The following VWA3B variants were observed in gnomAD, a reference collection of about 807,000 sequenced individuals.
The protein encoded by VWA3B is von Willebrand factor A domain containing 3B, also known as von Willebrand factor A domain-containing protein 3B.
VWA3B carries 138 observed loss-of-function variants against 158.3 expected under a neutral mutation model. That is an observed-to-expected ratio of 0.87 (90% CI 0.76 to 1.00). VWA3B has a LOEUF of 1.00. Ranked by LOEUF, VWA3B falls within the 50% of genes least tolerant of loss-of-function variation. The pLI, the probability that VWA3B is intolerant of heterozygous loss-of-function variation, is 0.00. For missense variants in VWA3B, 1,555 were observed against 1,565.1 expected (o/e 0.99, Z 0.11); for synonymous variants, 596 against 587.3 (o/e 1.01, Z -0.21).
At chr2:98,236,302 G>C in intron 17 of VWA3B, 88 bp from the exon 18 acceptor site, 2 of 1,397,994 alleles carry the variant, frequency 1.4e-6, no homozygotes, top group Non-Finnish European at 2.0e-6. Context: ...CTCAGTCACA[G>C]CTGGACTGAG....
At chr2:98,218,783 T>C (rs566864154) in intron 14 of VWA3B, among the ~76,000 whole-genome samples, 1 of 152,350 alleles carries the variant, frequency 6.6e-6, no homozygotes, top group East Asian at 1.9e-4. Context: ...CAGTGCTTCA[T>C]GTGAGTGAAC....
intron 23 of VWA3B, among the ~76,000 whole-genome samples, chr2:98,294,228 A>AG (rs1217541310): frequency 1.3e-5 from 2 of 151,238 alleles, no homozygotes; most frequent in African/African-American, 4.9e-5. Flanking sequence ...AAAAAAAAAA[A>AG]AAGAAGGCCA....
intron 26 of VWA3B, among the ~76,000 whole-genome samples, chr2:98,308,027 A>T (rs1690635348): frequency 1.3e-5 from 2 of 152,170 alleles, no homozygotes; most frequent in Non-Finnish European, 2.9e-5. Flanking sequence ...AGGGCTCAAA[A>T]CTAATTGAAC....
intron 13 of VWA3B, among the ~76,000 whole-genome samples, chr2:98,215,473 A>G (rs1683903679): frequency 6.6e-6 from 1 of 151,580 alleles, no homozygotes; most frequent in African/African-American, 2.4e-5. Flanking sequence ...AACAAAAAAG[A>G]TGGAGTCAGA....
intron 7 of VWA3B, among the ~76,000 whole-genome samples, chr2:98,143,752 C>CTTTTTTTTTT (rs534351736): frequency 9.2e-5 from 12 of 130,918 alleles, no homozygotes; most frequent in Admixed American, 1.6e-4. Flanking sequence ...CTTTTCTTTT[C>CTTTTTTTTTT]TTTTTTTTTT....
At chr2:98,154,321 G>A (rs1386703515) in intron 7 of VWA3B, among the ~76,000 whole-genome samples, 1 of 152,198 alleles carries the variant, frequency 6.6e-6, no homozygotes, top group East Asian at 1.9e-4. Context: ...CAGATTCTCA[G>A]AATGTCATTT....
At chr2:98,258,043 A>G (rs1254632909) in intron 21 of VWA3B, among the ~76,000 whole-genome samples, 1 of 151,910 alleles carries the variant, frequency 6.6e-6, no homozygotes, top group Non-Finnish European at 1.5e-5. Context: ...ATCTGGTGTG[A>G]AGTAGGGTTC....
At chr2:98,278,809 G>A (rs2105912042) in intron 22 of VWA3B, among the ~76,000 whole-genome samples, 1 of 152,316 alleles carries the variant, frequency 6.6e-6, no homozygotes, top group Non-Finnish European at 1.5e-5. Flanking sequence ...AAGGAAAACA[G>A]GAATGTGGGT....
intron 1 of VWA3B, among the ~76,000 whole-genome samples, chr2:98,087,788 AAC>A (rs1681971020): frequency 6.6e-6 from 1 of 152,216 alleles, no homozygotes. Context: ...AAGCCAAAGC[AAC>A]ACTTACATGG....
chr2:98,236,216 T>G (rs889885488), intron 17 of VWA3B, among the ~76,000 whole-genome samples, 174 bp from the exon 18 acceptor site: 2 of 152,218 alleles, frequency 1.3e-5, no homozygotes, highest in Non-Finnish European at 1.5e-5. Context: ...TAGTGTAAAT[T>G]GCAAAGGAAT....
chr2:98,197,921 G>A (rs1682194826), intron 12 of VWA3B, among the ~76,000 whole-genome samples: 1 of 151,878 alleles, frequency 6.6e-6, no homozygotes, highest in Non-Finnish European at 1.5e-5. Context: ...ACCTGGTTGT[G>A]GTTATTGCTA....
At chr2:98,250,194 A>T in intron 19 of VWA3B, 124 bp from the exon 20 acceptor site, 1 of 652,374 alleles carries the variant, frequency 1.5e-6, no homozygotes, top group African/African-American at 1.9e-5. Context: ...CTAATGTTCT[A>T]CATTTATTGT....
chr2:98,269,788 G>C (rs1413031319), intron 21 of VWA3B, among the ~76,000 whole-genome samples: 1 of 152,218 alleles, frequency 6.6e-6, no homozygotes, highest in African/African-American at 2.4e-5. Context: ...TGTCTCTGTA[G>C]GGGAATGAGG....
At chr2:98,226,770 A>G (rs1684944994) in intron 14 of VWA3B, among the ~76,000 whole-genome samples, 1 of 151,496 alleles carries the variant, frequency 6.6e-6, no homozygotes, top group African/African-American at 2.4e-5. Context: ...ATGTATGCAC[A>G]GACATTTCAC....
chr2:98,236,994 C>T (rs993244988), intron 19 of VWA3B, among the ~76,000 whole-genome samples: 2 of 152,096 alleles, frequency 1.3e-5, no homozygotes, highest in African/African-American at 2.4e-5. Context: ...TGGGCAACAT[C>T]GTGAAACCCT....
intron 6 of VWA3B, among the ~76,000 whole-genome samples, chr2:98,132,707 G>T (rs1420214061): frequency 6.6e-6 from 1 of 152,220 alleles, no homozygotes; most frequent in African/African-American, 2.4e-5. Context: ...TCCCCTCCTT[G>T]CCCTACAGGG....
intron 22 of VWA3B, among the ~76,000 whole-genome samples, chr2:98,281,745 A>G (rs528075484): frequency 6.6e-6 from 1 of 152,174 alleles, no homozygotes; most frequent in South Asian, 2.1e-4. Context: ...CCGAGATTGA[A>G]TCTGACAAGG....
chr2:98,262,368 T>C lies in VWA3B; in HGVS notation c.2843+6194T>C, dbSNP rs192089611. Among the ~76,000 whole-genome samples the C allele has an allele frequency of 2.2e-3, 339 of 151,998 alleles. 3 individuals are homozygous for C. The highest frequency in any genetic ancestry group is 7.7e-3 in the African/African-American group (320 of 41,522). ...CCAAAAAAGCTTGCCAAATTCAGTA[T>C]AATGAAGCTTTATCCCTGTTTTCTT... is the stretch of plus-strand genomic sequence containing the variant. On this transcript the variant is annotated intron_variant, in intron 21 of 27. Coordinates refer to ENST00000477737, the MANE Select transcript of VWA3B (RefSeq NM_144992.5).
Position 98,297,368 on chromosome 2 carries a change from C to T in VWA3B, c.3158-539C>T, listed in dbSNP as rs1208648180. On this transcript the variant is annotated intron_variant, in intron 23 of 27. Coordinates refer to ENST00000477737, the MANE Select transcript of VWA3B (RefSeq NM_144992.5). ...AGGTTCTGAGATTACAGGTGTGAGC[C>T]ACCACGCCCAGCCTTACATCTTTTT... Among the ~76,000 whole-genome samples, 3 of 152,184 alleles carry T rather than the reference C, an allele frequency of 2.0e-5. No homozygotes were observed. The East Asian group carries it at 5.8e-4, about 29-fold the overall frequency.
Sources: allele counts gnomAD v4.1 joint callset (sites outside exome capture counted in the v4.1 genomes callset), GRCh38; gene constraint gnomAD v4.1.1; transcripts MANE v1.5; gene names NCBI Gene and HGNC (gene_info 2026-07-23, HGNC 2026-07-21).